Variants in KCNH7 observed in about 807,000 individuals in gnomAD.
KCNH7 encodes potassium voltage-gated channel subfamily H member 7, also known as voltage-gated inwardly rectifying potassium channel KCNH7.
KCNH7 carries 49 observed loss-of-function variants against 120.8 expected under a neutral mutation model. That is an observed-to-expected ratio of 0.41 (90% CI 0.32 to 0.51). The LOEUF (loss-of-function observed/expected upper bound fraction) is 0.51. Among genes scored for constraint, KCNH7 ranks in the 20% least tolerant of loss-of-function variants. KCNH7 has a pLI of 0.38. For missense variants in KCNH7, 1,097 were observed against 1,446.6 expected, an observed-to-expected ratio of 0.76 and a Z score of 3.92; for synonymous variants, 547 against 516.1, an observed-to-expected ratio of 1.06 and a Z score of -0.81.
chr2:162,485,008 C>T (rs531341920), intron 6 of KCNH7, among the ~76,000 whole-genome samples: 9 of 152,206 alleles, frequency 5.9e-5, no homozygotes, highest in East Asian at 3.9e-4. Flanking sequence ...TAGAGCCACA[C>T]GAAACAGATT....
chr2:162,761,307 C>G (rs1234864185), intron 2 of KCNH7, among the ~76,000 whole-genome samples: 1 of 152,030 alleles, frequency 6.6e-6, no homozygotes, highest in East Asian at 1.9e-4. Context: ...AACATTTCCA[C>G]CTTTTCCTCT....
chr2:162,681,425 G>A (rs1454166386), intron 2 of KCNH7, among the ~76,000 whole-genome samples: 1 of 151,678 alleles, frequency 6.6e-6, no homozygotes, highest in African/African-American at 2.4e-5. Context: ...ATGATTACAC[G>A]AGGTGTTCAT....
intron 2 of KCNH7, among the ~76,000 whole-genome samples, chr2:162,604,358 A>T (rs1033974357): frequency 6.6e-6 from 1 of 151,958 alleles, no homozygotes; most frequent in Admixed American, 6.6e-5. Context: ...TTCTAAAATT[A>T]AAAAAAATTT....
chr2:162,421,922 G>A (rs1470846187), intron 9 of KCNH7, among the ~76,000 whole-genome samples: 1 of 152,136 alleles, frequency 6.6e-6, no homozygotes, highest in Non-Finnish European at 1.5e-5. Context: ...TCTTGACACT[G>A]CTTCAGCCAA....
chr2:162,657,681 A>G (rs1023990077), intron 2 of KCNH7, among the ~76,000 whole-genome samples: 7 of 152,134 alleles, frequency 4.6e-5, no homozygotes, highest in Non-Finnish European at 7.3e-5. Context: ...TATGTTTTCA[A>G]CTCATTTGGG....
chr2:162,740,533 A>G (rs1238367011), intron 2 of KCNH7, among the ~76,000 whole-genome samples: 1 of 152,230 alleles, frequency 6.6e-6, no homozygotes, highest in Non-Finnish European at 1.5e-5. Flanking sequence ...ATTCAGGAGT[A>G]CATCGAATTA....
Position 162,384,767 on chromosome 2 carries a change from T to G in KCNH7, c.2883A>C (p.Lys961Asn). Residue 961 changes from lysine (K) to asparagine (N), a missense_variant, in exon 13 of 16, where the codon AAA (lysine) becomes AAC (asparagine). Physicochemically the swap from Lys to Asn is moderately conservative, Grantham distance 94 (BLOSUM62 0). Around this residue, in one of 8 missense-constraint regions of KCNH7, gnomAD observed 406 missense variants for 410.5 expected, o/e 0.99. Transcript: ENST00000332142. ...GIVDSSPGIGKASGLDFEETV... is the reference protein window; with the variant it reads ...GIVDSSPGIGNASGLDFEETV... ...TTTCTTCAAAATCGAGCCCAGATGC[T>G]TTCCCTATTCCTGGAGAAGAGTCTA... 6.2e-7 allele frequency: 1 copy of G among 1,612,838 alleles called. No individual in the cohort carries two copies. Among genetic ancestry groups the G allele is most frequent in the Non-Finnish European group, 8.5e-7 (1 of 1,179,128 alleles).
rs1416053821 is a variant in KCNH7 at position 162,536,924 on chromosome 2, C to T, written c.463+1G>A. 1 of 1,610,594 alleles carries T rather than the reference C, an allele frequency of 6.2e-7. No homozygotes were observed. Among genetic ancestry groups the T allele is most frequent in the South Asian group, 1.1e-5 (1 of 90,794 alleles). On this transcript the variant is annotated splice_donor_variant, in intron 3 of 15. Transcript: ENST00000332142. LOFTEE classifies it high-confidence loss of function. ...TTGAGTACACATTGCCTTTTACTTA[C>T]GGTTTACAGTTTTGATTGGTAATAT...
rs183316270 is a variant in KCNH7 at position 162,682,695 on chromosome 2, A to G, written c.308-145615T>C. Among the ~76,000 whole-genome samples the G allele has an allele frequency of 5.3e-3, 812 of 151,956 alleles. 7 individuals carry two copies. Among genetic ancestry groups the G allele is most frequent in the African/African-American group, 0.019 (782 of 41,534 alleles). ...ACTTTCTTTATGCTTTCTGTAATTTAAATTTTAAATACACAGTAATCGCTG... is the reference window on the plus strand; with the variant it reads ...ACTTTCTTTATGCTTTCTGTAATTTGAATTTTAAATACACAGTAATCGCTG... On this transcript the variant is annotated intron_variant, in intron 2 of 15. Coordinates refer to ENST00000332142, the MANE Select transcript of KCNH7 (RefSeq NM_033272.4).
At chr2:162,440,868 G>A (rs1016356408) in intron 7 of KCNH7, among the ~76,000 whole-genome samples, 11 of 152,032 alleles carry the variant, frequency 7.2e-5, no homozygotes, top group African/African-American at 2.4e-4. Flanking sequence ...CTAAACAGTA[G>A]TATGCAAATG....
chr2:162,470,624 G>A (rs533429948), intron 6 of KCNH7, among the ~76,000 whole-genome samples: 2,800 of 150,904 alleles, frequency 0.019, 82 homozygotes, highest in African/African-American at 0.064. Flanking sequence ...AGGGAGGTGG[G>A]GGGGTCAGCC....
In KCNH7 at chr2:162,650,358, T is replaced by C. The variant is rs1249481692; in HGVS notation, c.308-113278A>G. ...AAGATATGTATGAGCCAAAAACTTATGATTTTGGTAGTTCATTTGTAATTC... is the reference window on the plus strand; with the variant it reads ...AAGATATGTATGAGCCAAAAACTTACGATTTTGGTAGTTCATTTGTAATTC... On this transcript the variant is annotated intron_variant, in intron 2 of 15. Coordinates refer to ENST00000332142, the MANE Select transcript of KCNH7 (RefSeq NM_033272.4). 3.9e-5 allele frequency among the ~76,000 whole-genome samples: 6 copies of C among 152,324 alleles called. No individual in the cohort carries two copies. In the East Asian group the frequency reaches 9.6e-4, roughly 24 times the overall value.
chr2:162,586,724 A>G (rs537016555), intron 2 of KCNH7, among the ~76,000 whole-genome samples: 1 of 151,812 alleles, frequency 6.6e-6, no homozygotes. Flanking sequence ...AATCAACACA[A>G]ATTAAAAGTT....
chr2:162,376,007 A>G (rs146399086), intron 14 of KCNH7, among the ~76,000 whole-genome samples: 61 of 152,338 alleles, frequency 4.0e-4, no homozygotes, highest in Non-Finnish European at 5.6e-4. Context: ...GGTATTTAAA[A>G]CAGAAAATAA....
At chr2:162,755,472 AAAAAC>A (rs375275907) in intron 2 of KCNH7, among the ~76,000 whole-genome samples, 2 of 152,136 alleles carry the variant, frequency 1.3e-5, no homozygotes, top group African/African-American at 4.8e-5. Context: ...ACTCCATCTC[AAAAAC>A]AAAACAAAAC....
rs202232555 is a variant in KCNH7, at chr2:162,435,568, A to G, written c.1584T>C (p.Thr528=). ...ETTTLIGLLK[T]ARLLRLVRVA... ...CGCGCACAAGACGGAGGAGTCGGGC[A>G]GTCTTCAAAAGACCAATTAATGTTG... The change falls in exon 8 of 16, where the codon ACT becomes ACC. Residue 528 remains threonine, a synonymous_variant. Transcript: ENST00000332142. 128 of 1,602,096 alleles carry G rather than the reference A, an allele frequency of 8.0e-5. No homozygotes were observed. The highest frequency in any genetic ancestry group is 9.6e-5 in the Non-Finnish European group (113 of 1,173,620).
chr2:162,458,117 G>GTGTATGTA (rs1553478822), intron 6 of KCNH7, among the ~76,000 whole-genome samples: 1 of 151,746 alleles, frequency 6.6e-6, no homozygotes, highest in African/African-American at 2.4e-5. Flanking sequence ...GTGTGTGTGT[G>GTGTATGTA]TGTGTGTGTG....
intron 2 of KCNH7, among the ~76,000 whole-genome samples, chr2:162,671,347 T>C (rs1574247302): frequency 2.0e-5 from 3 of 151,964 alleles, no homozygotes; most frequent in South Asian, 4.2e-4. Flanking sequence ...ATGTGGACTA[T>C]ATATACCATG....
chr2:162,689,603 G>A (rs1260882032), intron 2 of KCNH7, among the ~76,000 whole-genome samples: 1 of 151,868 alleles, frequency 6.6e-6, no homozygotes, highest in Non-Finnish European at 1.5e-5. Flanking sequence ...ATTTTTTTCT[G>A]TGAAAATGTA....
Sources: allele counts gnomAD v4.1 joint callset (sites outside exome capture counted in the v4.1 genomes callset), GRCh38; gene constraint gnomAD v4.1.1; regional missense constraint gnomAD v4.1.1; transcripts MANE v1.5; gene names NCBI Gene and HGNC (gene_info 2026-07-23, HGNC 2026-07-21).